Variants in MAN1A1 observed in about 807,000 individuals in gnomAD.
MAN1A1 encodes the protein mannosidase alpha class 1A member 1, also known as mannosyl-oligosaccharide 1,2-alpha-mannosidase IA.
A neutral mutation model predicts 70.8 loss-of-function variants in MAN1A1; 29 were observed. The ratio of observed to expected loss-of-function variants is 0.41; its 90% CI spans 0.31 to 0.56. The LOEUF is 0.56. Ranked by LOEUF, MAN1A1 falls within the 20% of genes least tolerant of loss-of-function variation. The probability of loss-of-function intolerance (pLI) is 0.29; values close to 1 mark genes in which losing one functional copy is unlikely to be tolerated. For missense variants in MAN1A1, 747 were observed against 841.3 expected, an observed-to-expected ratio of 0.89 and a Z score of 1.39; for synonymous variants, 349 against 330.1, an observed-to-expected ratio of 1.06 and a Z score of -0.62.
At position 119,204,802 on chromosome 6, in the gene MAN1A1, A is replaced by G; in HGVS notation, c.1073T>C (p.Met358Thr). 6.2e-7 allele frequency: 1 copy of G among 1,614,050 alleles called. No individual in the cohort carries two copies. Among genetic ancestry groups the G allele is most frequent in the Non-Finnish European group, 8.5e-7 (1 of 1,179,920 alleles). The stretch of plus-strand genomic sequence containing the variant: ...GTTTCCTGATAAGTGGCTCAAGTGC[A>G]TAAACTCCAAATGCAGGGTTCCAAA... ...AEFGTLHLEF[M>T]HLSHLSGNPI... Residue 358 changes from methionine (M) to threonine (T), a missense_variant, in exon 7 of 13, where the codon ATG becomes ACG. Physicochemically the swap from Met to Thr is moderately conservative, Grantham distance 81. Transcript: ENST00000368468.
At chr6:119,306,856 G>A in intron 3 of MAN1A1, 40 bp downstream of exon 3, 1 of 1,361,128 alleles carries the variant, frequency 7.3e-7, no homozygotes. Flanking sequence ...CAATTGGGGA[G>A]AAGTTATCGT....
chr6:119,211,895 G>A (rs374134349), intron 6 of MAN1A1, among the ~76,000 whole-genome samples: 1 of 149,528 alleles, frequency 6.7e-6, no homozygotes, highest in Non-Finnish European at 1.5e-5. Flanking sequence ...AGGCTGGAGT[G>A]CAGTGGTGCG....
chr6:119,201,090 C>A (rs902780200), intron 8 of MAN1A1, among the ~76,000 whole-genome samples, 164 bp downstream of exon 8: 1 of 152,172 alleles, frequency 6.6e-6, no homozygotes, highest in Non-Finnish European at 1.5e-5. Flanking sequence ...ATCCAGTGTC[C>A]TAATAACACA....
chr6:119,285,608 CTTTTTT>C (rs35665082), intron 5 of MAN1A1, among the ~76,000 whole-genome samples: 1 of 144,676 alleles, frequency 6.9e-6, no homozygotes, highest in Non-Finnish European at 1.5e-5. Flanking sequence ...GTTTTCAATT[CTTTTTT>C]TTTTTTTCCA....
At chr6:119,327,110 C>T (rs188688299) in intron 2 of MAN1A1, among the ~76,000 whole-genome samples, 20 of 151,966 alleles carry the variant, frequency 1.3e-4, no homozygotes, top group Middle Eastern at 3.4e-3. Context: ...AATTAAGTTG[C>T]CCTTAAAGAG....
At chr6:119,348,318 G>T in intron 2 of MAN1A1, 145 bp downstream of exon 2, 1 of 772,182 alleles carries the variant, frequency 1.3e-6, no homozygotes, top group Non-Finnish European at 2.0e-6. Flanking sequence ...AAAAGAAAGA[G>T]CTTTTGACAC....
chr6:119,204,660 G>T lies in MAN1A1; in HGVS notation c.1116+99C>A, dbSNP rs150676537. 3.1e-4 allele frequency: 435 copies of T among 1,425,694 alleles called. 2 individuals are homozygous for T. In the African/African-American group the frequency reaches 5.4e-3, roughly 18 times the overall value. The allele number at this position is 1,425,694 out of a possible 1,614,324, so 88.3% of individuals were successfully genotyped here. ...TTCAGAAAGAGCTATAACAAATTTG[G>T]TTATTATTTCCACTTCAAAAATTCC... On this transcript the variant is annotated intron_variant, in intron 7 of 12. Transcript: ENST00000368468.
At chr6:119,275,586 G>A (rs1331866807) in intron 5 of MAN1A1, among the ~76,000 whole-genome samples, 2 of 140,014 alleles carry the variant, frequency 1.4e-5, no homozygotes, top group East Asian at 1.9e-4. Flanking sequence ...GATTACAGGC[G>A]TGAGCCACCG....
At chr6:119,228,441 A>G (rs866523137) in intron 6 of MAN1A1, among the ~76,000 whole-genome samples, 17 of 152,244 alleles carry the variant, frequency 1.1e-4, no homozygotes, top group African/African-American at 2.9e-4. Context: ...TCTTTCACCA[A>G]ATTTTTCACT....
At chr6:119,347,979 T>C (rs1158027635) in intron 2 of MAN1A1, among the ~76,000 whole-genome samples, 2 of 152,254 alleles carry the variant, frequency 1.3e-5, no homozygotes, top group Non-Finnish European at 2.9e-5. Flanking sequence ...TTCACCTTTA[T>C]AGTCTGAAAG....
At chr6:119,202,326 A>G (rs1344929030) in intron 7 of MAN1A1, among the ~76,000 whole-genome samples, 3 of 152,172 alleles carry the variant, frequency 2.0e-5, no homozygotes, top group Non-Finnish European at 4.4e-5. Flanking sequence ...CCACAGGACC[A>G]TCAATATCAC....
At chr6:119,319,381 A>C (rs61303823) in intron 2 of MAN1A1, among the ~76,000 whole-genome samples, 5,108 of 145,148 alleles carry the variant, frequency 0.035, 169 homozygotes, top group African/African-American at 0.092. Context: ...TAATAATAAT[A>C]ATAATAATAA....
chr6:119,218,735 G>T (rs1305577015), intron 6 of MAN1A1, among the ~76,000 whole-genome samples: 1 of 152,154 alleles, frequency 6.6e-6, no homozygotes, highest in Non-Finnish European at 1.5e-5. Flanking sequence ...ATGAATGAAT[G>T]AATATGTATG....
chr6:119,325,629 C>T (rs1024166014), intron 2 of MAN1A1, among the ~76,000 whole-genome samples: 10 of 152,266 alleles, frequency 6.6e-5, no homozygotes, highest in Middle Eastern at 3.4e-3. Context: ...TGCACCCCAA[C>T]GTGACAGAAC....
At chr6:119,272,163 T>C (rs987376094) in intron 5 of MAN1A1, among the ~76,000 whole-genome samples, 1 of 152,190 alleles carries the variant, frequency 6.6e-6, no homozygotes, top group Non-Finnish European at 1.5e-5. Context: ...AAAAATAAAG[T>C]AAAATATTAC....
chr6:119,189,502 G>C (rs908636263), intron 10 of MAN1A1, among the ~76,000 whole-genome samples, 162 bp downstream of exon 10: 2 of 152,090 alleles, frequency 1.3e-5, no homozygotes, highest in Non-Finnish European at 2.9e-5. Flanking sequence ...AGGAAGAAAA[G>C]CATTGCCTTT....
At position 119,247,989 on chromosome 6, in the gene MAN1A1, G is replaced by A. The variant is rs900531962; in HGVS notation, c.992+271C>T. Reference sequence around the variant, plus strand: ...TATTTATGGAGACAGTATCATTGATGCAAAGTCACTATGAAACAGTGTAAA... The same window carrying A: ...TATTTATGGAGACAGTATCATTGATACAAAGTCACTATGAAACAGTGTAAA... On this transcript the variant is annotated intron_variant, in intron 6 of 12. Transcript: ENST00000368468. 2.6e-5 allele frequency among the ~76,000 whole-genome samples: 4 copies of A among 152,166 alleles called. 1 individual carries two copies. The highest frequency in any genetic ancestry group is 2.6e-4 in the Admixed American group (4 of 15,274).
In MAN1A1 at chr6:119,241,811, C is replaced by T. The variant is rs542102065; in HGVS notation, c.992+6449G>A. ...GACCCTAGCTGAATATTAGAATGTC[C>T]TGGGAGGTTTTTAAAAAATGCCAGA... On this transcript the variant is annotated intron_variant, in intron 6 of 12. Coordinates refer to ENST00000368468, the MANE Select transcript of MAN1A1 (RefSeq NM_005907.4). Among the ~76,000 whole-genome samples the T allele has an allele frequency of 4.6e-5, 7 of 152,056 alleles. No individual in the cohort carries two copies. The South Asian group carries it at 1.2e-3, about 27-fold the overall frequency.
chr6:119,292,899 C>T lies in MAN1A1; in HGVS notation c.817-2136G>A, dbSNP rs764653997. On this transcript the variant is annotated intron_variant, in intron 4 of 12. Transcript: ENST00000368468. The stretch of plus-strand genomic sequence containing the variant: ...CTACAAAATTACTGATAAGGAAAAG[C>T]GAAGCTAACCCATGTATTTAGTTTG... Among the ~76,000 whole-genome samples, 7 of 152,136 alleles carry T rather than the reference C, an allele frequency of 4.6e-5. No homozygotes were observed. The South Asian group carries it at 8.3e-4, about 18-fold the overall frequency.
Sources: gnomAD v4.1 joint callset for allele counts (sites outside exome capture counted in the v4.1 genomes callset) on GRCh38, gnomAD v4.1.1 for gene constraint, MANE v1.5 for transcripts, NCBI Gene and HGNC (gene_info 2026-07-23, HGNC 2026-07-21) for gene names.